The following FAM3D variants were observed in gnomAD, a reference collection of about 807,000 sequenced individuals.
FAM3D encodes FAM3 metabolism regulating signaling molecule D, also known as protein FAM3D.
FAM3D carries 26 observed loss-of-function variants against 29.8 expected under a neutral mutation model. The observed-to-expected ratio is 0.87, with a 90% CI of 0.64 to 1.21. The LOEUF is 1.21. FAM3D is among the 50% of genes most tolerant of loss of function. The pLI, the probability that FAM3D is intolerant of heterozygous loss-of-function variation, is 0.00. For synonymous variants in FAM3D, 115 were observed against 102.3 expected, an observed-to-expected ratio of 1.12 and a Z score of -0.75; for missense variants, 253 against 290.9, an observed-to-expected ratio of 0.87 and a Z score of 0.95.
chr3:58,645,572 G>C lies in FAM3D; in HGVS notation c.200C>G (p.Ala67Gly), dbSNP rs759070186. Reference sequence around the variant, plus strand: ...GGCGGCCCCACTGCAGATTTTAAACGCAAAGTAGTTGGCTGGGCAGGGCTT... The same window carrying C: ...GGCGGCCCCACTGCAGATTTTAAACCCAAAGTAGTTGGCTGGGCAGGGCTT... Reference protein sequence around the residue: ...LIKPCPANYFAFKICSGAANV... With the variant: ...LIKPCPANYFGFKICSGAANV... Residue 67 changes from alanine (A) to glycine (G), a missense_variant, in exon 5 of 10, where the codon GCG (alanine) becomes GGG (glycine). Coordinates refer to ENST00000358781, the MANE Select transcript of FAM3D (RefSeq NM_138805.3). 6.2e-7 allele frequency: 1 copy of C among 1,614,096 alleles called. No individual in the cohort carries two copies. The highest frequency in any genetic ancestry group is 1.7e-5 in the Admixed American group (1 of 60,006).
At position 58,643,693 on chromosome 3, in the gene FAM3D, C is replaced by A; in HGVS notation, c.291G>T (p.Val97=). Residue 97 remains valine, a synonymous_variant, in exon 6 of 10, where the codon GTG becomes GTT. Coordinates refer to ENST00000358781, the MANE Select transcript of FAM3D (RefSeq NM_138805.3). ...RMIMSPVKNN[V]GRGLNIALVN... is the part of the protein sequence containing the mutation. ...CCAGGGCGATGTTTAGGCCTCTGCC[C>A]ACATTGTTTTTCACAGGACTCATGA... The A allele has an allele frequency of 6.2e-7, 1 of 1,613,864 alleles. No individual in the cohort carries two copies.
chr3:58,650,932 T>A (rs1214616361), intron 3 of FAM3D, among the ~76,000 whole-genome samples: 1 of 151,982 alleles, frequency 6.6e-6, no homozygotes, highest in East Asian at 1.9e-4. Context: ...TTAGCCAGGA[T>A]GGTCTCCATC....
intron 7 of FAM3D, 73 bp downstream of exon 7, chr3:58,640,054 T>C: frequency 1.4e-5 from 21 of 1,546,796 alleles, no homozygotes; most frequent in Non-Finnish European, 1.9e-5. Context: ...ACCAGGTCCC[T>C]TGCCACATGA....
rs151313210 is a variant in FAM3D, at chr3:58,635,509, G to C, written c.585+785C>G. Among the ~76,000 whole-genome samples, 15 of 152,244 alleles carry C rather than the reference G, an allele frequency of 9.9e-5. No homozygotes were observed. Among genetic ancestry groups the C allele is most frequent in the African/African-American group, 3.6e-4 (15 of 41,544 alleles). ...CTCCCACGCCTCCTCTGTCTTGCCG[G>C]TTCCCCTGGGTCTGGAGCCCACGCT... On this transcript the variant is annotated intron_variant, in intron 9 of 9. Transcript: ENST00000358781. This position sits in a 1 kb window ranked among gnomAD's most constrained non-coding sequence, Gnocchi z 5.2.
At chr3:58,645,457 G>A (rs116302699) in intron 5 of FAM3D, 52 bp downstream of exon 5, 7 of 1,189,054 alleles carry the variant, frequency 5.9e-6, no homozygotes, top group Middle Eastern at 2.8e-4. Flanking sequence ...ATGAATGAAT[G>A]AAATAAAATA....
intron 6 of FAM3D, 37 bp downstream of exon 6, chr3:58,643,625 T>C (rs2066395611): frequency 6.2e-7 from 1 of 1,602,642 alleles, no homozygotes. Flanking sequence ...TCCCTGGTTC[T>C]GGGTGGGAAC....
chr3:58,659,193 A>G (rs1359268517), intron 1 of FAM3D, among the ~76,000 whole-genome samples: 3 of 152,158 alleles, frequency 2.0e-5, no homozygotes, highest in Non-Finnish European at 4.4e-5. Flanking sequence ...GGGTCCACTC[A>G]TCTCTTCCCT....
chr3:58,641,326 G>T (rs1278812416), intron 6 of FAM3D, among the ~76,000 whole-genome samples: 2 of 152,224 alleles, frequency 1.3e-5, no homozygotes, highest in Non-Finnish European at 2.9e-5. Flanking sequence ...TCAAACGTAG[G>T]TGGTTTTATA....
chr3:58,634,100 G>A lies in FAM3D; in HGVS notation c.*179C>T, dbSNP rs1195855945. On this transcript the variant is annotated 3_prime_UTR_variant, in exon 10 of 10. Coordinates refer to ENST00000358781, the MANE Select transcript of FAM3D (RefSeq NM_138805.3). The surrounding 1 kb of genome is among the most constrained non-coding windows in gnomAD (Gnocchi z 4.6). ...CCCTCTGAGGCTGGTCTTCCGGGTA[G>A]GATGTGCTGTGGGAGGGTTCTGTTT... 14 of 566,344 alleles carry A rather than the reference G, an allele frequency of 2.5e-5. No homozygotes were observed. The East Asian group carries it at 4.4e-4, about 18-fold the overall frequency. The allele number at this position is 566,344 out of a possible 1,614,324, so 35.1% of individuals were successfully genotyped here.
In FAM3D at chr3:58,634,851, T is replaced by C. The variant is rs1420142586; in HGVS notation, c.586-483A>G. ...CTGCCCGTAGTCACTGGCTGGTAAG[T>C]GGCAGAACCACCACATAATATTAAT... On this transcript the variant is annotated intron_variant, in intron 9 of 9. Coordinates refer to ENST00000358781, the MANE Select transcript of FAM3D (RefSeq NM_138805.3). This position sits in a 1 kb window ranked among gnomAD's most constrained non-coding sequence, Gnocchi z 4.6. Among the ~76,000 whole-genome samples the C allele has an allele frequency of 6.6e-6, 1 of 152,068 alleles. No homozygotes were observed. Among genetic ancestry groups the C allele is most frequent in the East Asian group, 1.9e-4 (1 of 5,186 alleles).
chr3:58,664,001 C>A (rs564935581), intron 1 of FAM3D, among the ~76,000 whole-genome samples: 4 of 152,212 alleles, frequency 2.6e-5, no homozygotes, highest in Non-Finnish European at 4.4e-5. Context: ...AGATCATTCC[C>A]TCTGCGATGT....
chr3:58,645,018 G>T (rs1426579618), intron 5 of FAM3D, among the ~76,000 whole-genome samples: 1 of 152,152 alleles, frequency 6.6e-6, no homozygotes, highest in Non-Finnish European at 1.5e-5. Flanking sequence ...GCTGTCCCAG[G>T]GCCTTTACTG....
chr3:58,649,251 G>A, intron 4 of FAM3D, 64 bp downstream of exon 4: 1 of 1,587,346 alleles, frequency 6.3e-7, no homozygotes, highest in East Asian at 2.2e-5. Context: ...TTGCCCTAGG[G>A]CAAATGGGAG....
intron 2 of FAM3D, 48 bp from the exon 3 acceptor site, chr3:58,653,829 AT>A (rs1489533903): frequency 2.8e-6 from 4 of 1,426,474 alleles, no homozygotes; most frequent in Middle Eastern, 1.9e-4. Flanking sequence ...CCAAGACCAC[AT>A]TGCAAGACCA....
chr3:58,664,098 G>A (rs1215745425), intron 1 of FAM3D, among the ~76,000 whole-genome samples: 5 of 41,716 alleles, frequency 1.2e-4, no homozygotes, highest in African/African-American at 2.7e-4. Context: ...TCTCTCTACC[G>A]TTCATAGCCT....
chr3:58,636,832 C>T (rs145635931), intron 8 of FAM3D, among the ~76,000 whole-genome samples: 109 of 152,172 alleles, frequency 7.2e-4, no homozygotes, highest in African/African-American at 2.4e-3. Context: ...AAATACTTTC[C>T]GCACCATCAT....
rs1417723081 is a variant in FAM3D at position 58,653,791 on chromosome 3, A to G, written c.14-10T>C. 1 of 1,610,104 alleles carries G rather than the reference A, an allele frequency of 6.2e-7. No individual in the cohort carries two copies. Among genetic ancestry groups the G allele is most frequent in the African/African-American group, 1.3e-5 (1 of 75,006 alleles). Reference sequence around the variant, plus strand: ...AGGAGGCGAAGCACACCTGCTGAGCAAGGGGATGCTGCCAGGAGACCACAG... The same window carrying G: ...AGGAGGCGAAGCACACCTGCTGAGCGAGGGGATGCTGCCAGGAGACCACAG... On this transcript the variant is annotated splice_polypyrimidine_tract_variant and intron_variant, in intron 2 of 9. Coordinates refer to ENST00000358781, the MANE Select transcript of FAM3D (RefSeq NM_138805.3).
At chr3:58,639,997 T>G in intron 7 of FAM3D, 130 bp downstream of exon 7, 5 of 934,832 alleles carry the variant, frequency 5.3e-6, no homozygotes, top group Non-Finnish European at 6.9e-6. Flanking sequence ...CCACCGCACC[T>G]CTTCCTGGGT....
In FAM3D at chr3:58,653,763, G is replaced by A. The variant is rs2066713829; in HGVS notation, c.32C>T (p.Ala11Val). 2 of 1,613,666 alleles carry A rather than the reference G, an allele frequency of 1.2e-6. No homozygotes were observed. The highest frequency in any genetic ancestry group is 1.7e-6 in the Non-Finnish European group (2 of 1,180,030). ...TGTCGTGACTATGGCAAAGATGAGG[G>A]CCAGGAGGCGAAGCACACCTGCTGA... MRVSGVLRLL[A>V]LIFAIVTTWM... Residue 11 changes from alanine to valine, a missense_variant, in exon 3 of 10, where the codon GCC becomes GTC. Coordinates refer to ENST00000358781, the MANE Select transcript of FAM3D (RefSeq NM_138805.3).
Sources: allele counts gnomAD v4.1 joint callset (sites outside exome capture counted in the v4.1 genomes callset), GRCh38; gene constraint gnomAD v4.1.1; non-coding constraint Gnocchi (gnomAD v3.1); transcripts MANE v1.5; gene names NCBI Gene and HGNC (gene_info 2026-07-23, HGNC 2026-07-21).